CACNB2: variants seen among roughly 807,000 people sequenced by gnomAD.
CACNB2 encodes voltage-dependent L-type calcium channel subunit beta-2.
Under a neutral mutation model 73.3 loss-of-function variants are expected in CACNB2, and 42 were observed. The ratio of observed to expected loss-of-function variants is 0.57; its 90% CI spans 0.45 to 0.74. The LOEUF is 0.74. CACNB2 is among the 30% of genes least tolerant of loss of function. The probability of loss-of-function intolerance (pLI) is 0.00; values close to 1 mark genes in which losing one functional copy is unlikely to be tolerated. For missense variants in CACNB2, 940 were observed against 853.0 expected (o/e 1.10, Z -1.27); for synonymous variants, 348 against 310.3 (o/e 1.12, Z -1.28).
chr10:18,493,401 C>T (rs1589533693), intron 3 of CACNB2, among the ~76,000 whole-genome samples: 1 of 152,114 alleles, frequency 6.6e-6, no homozygotes, highest in South Asian at 2.1e-4. Flanking sequence ...CTCCTGATCT[C>T]GTGATCCGCC....
At chr10:18,144,988 C>T (rs555293240) in intron 1 of CACNB2, among the ~76,000 whole-genome samples, 43 of 152,210 alleles carry the variant, frequency 2.8e-4, no homozygotes, top group South Asian at 1.0e-3. Flanking sequence ...GAAGAGGAAA[C>T]GGAGGAGTAA....
At chr10:18,346,468 T>G (rs963265950) in intron 2 of CACNB2, among the ~76,000 whole-genome samples, 1 of 151,858 alleles carries the variant, frequency 6.6e-6, no homozygotes, top group Non-Finnish European at 1.5e-5. Context: ...GGTTTTCTGG[T>G]AAGGGATCTG....
At chr10:18,164,058 C>G (rs1254107173) in intron 2 of CACNB2, among the ~76,000 whole-genome samples, 2 of 152,126 alleles carry the variant, frequency 1.3e-5, no homozygotes. Context: ...GAGGTTGATG[C>G]TTTCTATTGG....
intron 2 of CACNB2, among the ~76,000 whole-genome samples, chr10:18,361,264 G>C (rs2042124821): frequency 6.6e-6 from 1 of 151,668 alleles, no homozygotes; most frequent in Non-Finnish European, 1.5e-5. Context: ...GGCTGAGGTG[G>C]AAGGATCGCT....
rs530093470 is a variant in CACNB2 at position 18,381,926 on chromosome 10, G to A, written c.214-19998G>A. 4.5e-4 allele frequency among the ~76,000 whole-genome samples: 69 copies of A among 152,018 alleles called. No homozygotes were observed. In the South Asian group the frequency reaches 0.014, roughly 31 times the overall value. Reference sequence around the variant, plus strand: ...GTAGGGTCCACTTATCCCCGGCATCGCCTGGGACATCATATGGACATGTTC... The same window carrying A: ...GTAGGGTCCACTTATCCCCGGCATCACCTGGGACATCATATGGACATGTTC... On this transcript the variant is annotated intron_variant, in intron 2 of 13. Coordinates refer to ENST00000324631, the MANE Select transcript of CACNB2 (RefSeq NM_201596.3).
intron 2 of CACNB2, among the ~76,000 whole-genome samples, chr10:18,396,275 A>G (rs1301683727): frequency 2.0e-5 from 3 of 152,138 alleles, no homozygotes; most frequent in African/African-American, 7.2e-5. Flanking sequence ...GATTTTATTT[A>G]TGAAGAAACC....
rs569309971 is a variant in CACNB2, at chr10:18,249,044, G to A, written c.213+98069G>A. Among the ~76,000 whole-genome samples the A allele has an allele frequency of 2.6e-5, 4 of 152,094 alleles. No individual in the cohort carries two copies. The East Asian group carries it at 7.7e-4, about 29-fold the overall frequency. On this transcript the variant is annotated intron_variant, in intron 2 of 13. Coordinates refer to ENST00000324631, the MANE Select transcript of CACNB2 (RefSeq NM_201596.3). ...CAGTCCACTCACCTACTCCTGAGAG[G>A]TCTCTTTCACACCTTCCTTGTACTT...
chr10:18,247,427 A>G (rs2036910200), intron 2 of CACNB2, among the ~76,000 whole-genome samples: 1 of 152,208 alleles, frequency 6.6e-6, no homozygotes, highest in African/African-American at 2.4e-5. Context: ...TAGAACCAAG[A>G]GACAGAATAG....
At chr10:18,368,745 C>G (rs1198862738) in intron 2 of CACNB2, among the ~76,000 whole-genome samples, 8 of 151,922 alleles carry the variant, frequency 5.3e-5, no homozygotes, top group Non-Finnish European at 8.8e-5. Context: ...AAAATATACA[C>G]CTGTTATATA....
chr10:18,147,317 T>A lies in CACNB2; in HGVS notation c.121-3566T>A, dbSNP rs116634571. ...ATATTTTTGGAAATTTCTTAAGAATTTTTTTCCCTAGTTTCTGAAATCTTA... is the reference window on the plus strand; with the variant it reads ...ATATTTTTGGAAATTTCTTAAGAATATTTTTCCCTAGTTTCTGAAATCTTA... On this transcript the variant is annotated intron_variant, in intron 1 of 13. Coordinates refer to ENST00000324631, the MANE Select transcript of CACNB2 (RefSeq NM_201596.3). Among the ~76,000 whole-genome samples, 1,237 of 152,312 alleles carry A rather than the reference T, an allele frequency of 8.1e-3. 17 individuals are homozygous for A. The highest frequency in any genetic ancestry group is 0.028 in the African/African-American group (1,178 of 41,548).
intron 2 of CACNB2, among the ~76,000 whole-genome samples, chr10:18,263,204 A>C (rs2037635547): frequency 6.6e-6 from 1 of 152,202 alleles, no homozygotes; most frequent in Admixed American, 6.5e-5. Context: ...AGATAGGTTA[A>C]ATCGAAACCT....
intron 2 of CACNB2, among the ~76,000 whole-genome samples, chr10:18,240,223 C>T (rs1458340858): frequency 6.6e-6 from 1 of 152,200 alleles, no homozygotes; most frequent in Admixed American, 6.5e-5. Flanking sequence ...TTCCATCCCA[C>T]TTGGACTCTC....
chr10:18,366,464 C>G (rs1178376797), intron 2 of CACNB2, among the ~76,000 whole-genome samples: 1 of 99,566 alleles, frequency 1.0e-5, no homozygotes, highest in African/African-American at 3.7e-5. Context: ...GACTCCGTCT[C>G]AAAAAAAAAA....
chr10:18,528,320 C>T (rs2052678301), intron 10 of CACNB2, among the ~76,000 whole-genome samples: 1 of 151,932 alleles, frequency 6.6e-6, no homozygotes, highest in Non-Finnish European at 1.5e-5. Context: ...TATGTGGATA[C>T]TGCTTATTAA....
chr10:18,414,665 A>G (rs1235889740), intron 3 of CACNB2, among the ~76,000 whole-genome samples: 1 of 152,026 alleles, frequency 6.6e-6, no homozygotes, highest in Non-Finnish European at 1.5e-5. Context: ...TTGTATTTTT[A>G]GCAAAAATGG....
rs78784973 is a variant in CACNB2 at position 18,530,668 on chromosome 10, C to T, written c.1054+2971C>T. ...GACTCAAAGTTCGGTTCCCACTGTACATATATTGCTTTCACACTCTTATAA... is the reference window on the plus strand; with the variant it reads ...GACTCAAAGTTCGGTTCCCACTGTATATATATTGCTTTCACACTCTTATAA... On this transcript the variant is annotated intron_variant, in intron 10 of 13. Transcript: ENST00000324631. Among the ~76,000 whole-genome samples, 26 of 152,282 alleles carry T rather than the reference C, an allele frequency of 1.7e-4. No individual in the cohort carries two copies. The East Asian group carries it at 4.8e-3, about 28-fold the overall frequency.
intron 10 of CACNB2, 93 bp from the exon 11 acceptor site, chr10:18,533,983 T>TG: frequency 8.4e-7 from 1 of 1,185,208 alleles, no homozygotes; most frequent in South Asian, 1.2e-5. Context: ...ACATAATGGC[T>TG]GACCTACTCA....
chr10:18,298,654 G>GCA (rs1564415210), intron 2 of CACNB2, among the ~76,000 whole-genome samples: 1 of 152,204 alleles, frequency 6.6e-6, no homozygotes, highest in African/African-American at 2.4e-5. Context: ...CAGCCTTAGT[G>GCA]CAGGCTGGCT....
At chr10:18,405,417 A>T (rs1281298288) in intron 3 of CACNB2, among the ~76,000 whole-genome samples, 1 of 152,160 alleles carries the variant, frequency 6.6e-6, no homozygotes, top group Non-Finnish European at 1.5e-5. Flanking sequence ...TGTTTTCACC[A>T]TTTAGGTATT....
Sources: gnomAD v4.1 joint callset for allele counts (sites outside exome capture counted in the v4.1 genomes callset) on GRCh38, gnomAD v4.1.1 for gene constraint, MANE v1.5 for transcripts, NCBI Gene and HGNC (gene_info 2026-07-23, HGNC 2026-07-21) for gene names.